Variants in WDR33 observed in about 807,000 individuals in gnomAD.
The protein encoded by WDR33 is pre-mRNA 3' end processing protein WDR33.
A neutral mutation model predicts 164.9 loss-of-function variants in WDR33; 47 were observed. That is an observed-to-expected ratio of 0.29 (90% CI 0.23 to 0.36). The LOEUF (loss-of-function observed/expected upper bound fraction) is 0.36, where lower values mean the gene tolerates loss of function less well. Among genes scored for constraint, WDR33 ranks in the 10% least tolerant of loss-of-function variants. The probability of loss-of-function intolerance (pLI) is 1.00; values close to 1 mark genes in which losing one functional copy is unlikely to be tolerated. For missense variants in WDR33, 1,137 were observed against 1,754.1 expected (o/e 0.65, Z 6.28); for synonymous variants, 505 against 589.0 (o/e 0.86, Z 2.06).
intron 1 of WDR33, among the ~76,000 whole-genome samples, chr2:127,797,946 C>T (rs889403979): frequency 3.3e-5 from 5 of 151,222 alleles, no homozygotes; most frequent in African/African-American, 7.3e-5. Context: ...CCCAGGAAGT[C>T]GAGGTTCCAG....
In WDR33 at chr2:127,709,375, C is replaced by A; in HGVS notation, c.3565+115G>T. 2 of 993,580 alleles carry A rather than the reference C, an allele frequency of 2.0e-6. No homozygotes were observed. Among genetic ancestry groups the A allele is most frequent in the Non-Finnish European group, 3.1e-6 (2 of 644,198 alleles). 61.5% of individuals were successfully genotyped at this position (993,580 alleles called of 1,614,324 possible). ...GCTGCAGGACAGGAGACAGCCCAGC[C>A]CCCCGGGAGACATGAGCTGGAAAGA... On this transcript the variant is annotated intron_variant, in intron 20 of 21. Coordinates refer to ENST00000322313, the MANE Select transcript of WDR33 (RefSeq NM_018383.5). This position sits in a 1 kb window ranked among gnomAD's most constrained non-coding sequence, Gnocchi z 5.0.
Position 127,709,438 on chromosome 2 carries a change from C to G in WDR33, c.3565+52G>C, listed in dbSNP as rs376672790. 3.0e-4 allele frequency: 471 copies of G among 1,577,956 alleles called. 3 individuals carry two copies. The highest frequency in any genetic ancestry group is 2.2e-3 in the South Asian group (195 of 90,362). On this transcript the variant is annotated intron_variant, in intron 20 of 21. Transcript: ENST00000322313. The surrounding 1 kb of genome is among the most constrained non-coding windows in gnomAD (Gnocchi z 5.0). ...CACCCCAGAGAGGGCCCTCAGAACT[C>G]ACTTTGTGAACTGCAGTCTAGAGTT... is the stretch of plus-strand genomic sequence containing the variant.
intron 1 of WDR33, 154 bp downstream of exon 1, chr2:127,810,858 G>T (rs559522673): frequency 2.0e-5 from 3 of 152,830 alleles, no homozygotes; most frequent in African/African-American, 7.2e-5. Flanking sequence ...AACCTGCCTC[G>T]AACAGCCGCC....
intron 1 of WDR33, among the ~76,000 whole-genome samples, chr2:127,792,295 C>T (rs1288859530): frequency 6.6e-6 from 1 of 151,978 alleles, no homozygotes; most frequent in Non-Finnish European, 1.5e-5. Flanking sequence ...TGAGAACTCA[C>T]CACTGCCTTA....
chr2:127,701,921 G>C lies in WDR33; in HGVS notation c.*4402C>G, dbSNP rs1303265900. Reference sequence around the variant, plus strand: ...GCGCGCTGCTGCGGGGCGGCGCGGCGTGCGGACGCCTGCTGCGCTGCGAAG... The same window carrying C: ...GCGCGCTGCTGCGGGGCGGCGCGGCCTGCGGACGCCTGCTGCGCTGCGAAG... On this transcript the variant is annotated 3_prime_UTR_variant, in exon 22 of 22. Transcript: ENST00000322313. The C allele has an allele frequency of 6.9e-7, 1 of 1,443,606 alleles. No individual in the cohort carries two copies. The highest frequency in any genetic ancestry group is 9.1e-7 in the Non-Finnish European group (1 of 1,104,786). The allele number at this position is 1,443,606 out of a possible 1,614,324, so 89.4% of individuals were successfully genotyped here.
At chr2:127,746,630 G>A (rs917366239) in intron 7 of WDR33, among the ~76,000 whole-genome samples, 7 of 152,182 alleles carry the variant, frequency 4.6e-5, no homozygotes, top group African/African-American at 1.4e-4. Flanking sequence ...GTGGCAAAGC[G>A]GGGATTCAAA....
chr2:127,721,863 T>C lies in WDR33; in HGVS notation c.1644A>G (p.Leu548=). The C allele has an allele frequency of 1.2e-6, 2 of 1,613,926 alleles. No homozygotes were observed. The highest frequency in any genetic ancestry group is 1.7e-6 in the Non-Finnish European group (2 of 1,179,974). ...CCAGAAGTTGTGGGTTAGTATATTGTAATGTAGCCATTTCTTGCTCAATTT... is the reference window on the plus strand; with the variant it reads ...CCAGAAGTTGTGGGTTAGTATATTGCAATGTAGCCATTTCTTGCTCAATTT... The part of the protein sequence containing the change: ...QAEIEQEMAT[L]QYTNPQLLEQ... The change falls in exon 15 of 22, where the codon TTA becomes TTG. Residue 548 remains leucine, a synonymous_variant. Coordinates refer to ENST00000322313, the MANE Select transcript of WDR33 (RefSeq NM_018383.5). The surrounding 1 kb of genome is among the most constrained non-coding windows in gnomAD (Gnocchi z 4.9).
At chr2:127,737,603 T>C in intron 7 of WDR33, 14 of 1,000,702 alleles carry the variant, frequency 1.4e-5, no homozygotes, top group Non-Finnish European at 1.7e-5. Flanking sequence ...ACGTTAATAA[T>C]AGATGTATTA....
rs1686008342 is a variant in WDR33 at position 127,706,321 on chromosome 2, T to A, written c.*2A>T. 1.9e-6 allele frequency: 3 copies of A among 1,551,768 alleles called. No individual in the cohort carries two copies. The highest frequency in any genetic ancestry group is 2.6e-6 in the Non-Finnish European group (3 of 1,151,398). ...AGGCCTCAGGGTACTCAGTTCCAGC[T>A]TCTACCGACCCCTTCCACCACCCCG... On this transcript the variant is annotated 3_prime_UTR_variant, in exon 22 of 22. Transcript: ENST00000322313. This position sits in a 1 kb window ranked among gnomAD's most constrained non-coding sequence, Gnocchi z 5.1.
chr2:127,706,299 C>A lies in WDR33; in HGVS notation c.*24G>T. On this transcript the variant is annotated 3_prime_UTR_variant, in exon 22 of 22. Coordinates refer to ENST00000322313, the MANE Select transcript of WDR33 (RefSeq NM_018383.5). This position sits in a 1 kb window ranked among gnomAD's most constrained non-coding sequence, Gnocchi z 5.1. ...AGTTCTTACATACTGTCCAGAGAGG[C>A]CTCAGGGTACTCAGTTCCAGCTTCT... 1 of 1,525,520 alleles carries A rather than the reference C, an allele frequency of 6.6e-7. No homozygotes were observed. The highest frequency in any genetic ancestry group is 8.8e-7 in the Non-Finnish European group (1 of 1,139,056). 94.5% of individuals were successfully genotyped at this position (1,525,520 alleles called of 1,614,324 possible). A position where few individuals can be genotyped will look rare whatever the true frequency, so the allele number is the denominator to read the frequency against.
intron 17 of WDR33, among the ~76,000 whole-genome samples, chr2:127,715,442 A>G (rs1427850515): frequency 6.6e-6 from 1 of 152,034 alleles, no homozygotes; most frequent in Non-Finnish European, 1.5e-5. Context: ...TTACCATGCA[A>G]TATATATAAA....
intron 1 of WDR33, among the ~76,000 whole-genome samples, chr2:127,799,541 TC>T (rs1689160232): frequency 6.6e-6 from 1 of 152,154 alleles, no homozygotes; most frequent in Admixed American, 6.6e-5. Flanking sequence ...ACGCCTGTAA[TC>T]CCAGCACTTT....
Position 127,706,508 on chromosome 2 carries a change from G to C in WDR33, c.3826C>G (p.Arg1276Gly). The stretch of plus-strand genomic sequence containing the variant: ...TGCTCTCCGTCTAAGGAGCTGGAAC[G>C]CCCAGATTTGGGCACTCTCTGAGCA... ...GPAQRVPKSG[R>G]SSSLDGEHHD... Residue 1276 changes from arginine (R) to glycine (G), a missense_variant, in exon 22 of 22, where the codon CGT (arginine) becomes GGT (glycine). By Grantham distance (125) the Arg-to-Gly change is moderately radical (BLOSUM62 -2). This residue lies in a region of WDR33 where 867 missense variants were observed against 1,073.0 expected (regional missense o/e 0.81). Coordinates refer to ENST00000322313, the MANE Select transcript of WDR33 (RefSeq NM_018383.5). The surrounding 1 kb of genome is among the most constrained non-coding windows in gnomAD (Gnocchi z 5.1). 6.2e-7 allele frequency: 1 copy of C among 1,613,266 alleles called. No homozygotes were observed. The highest frequency in any genetic ancestry group is 8.5e-7 in the Non-Finnish European group (1 of 1,179,596).
intron 1 of WDR33, among the ~76,000 whole-genome samples, chr2:127,788,515 T>A (rs1354726333): frequency 6.6e-5 from 4 of 60,318 alleles, no homozygotes; most frequent in African/African-American, 1.7e-4. Flanking sequence ...GCTGGCCGGG[T>A]GGGGGGGCTG....
chr2:127,765,051 A>T (rs1188452271), intron 5 of WDR33, 72 bp from the exon 6 acceptor site: 12 of 1,573,504 alleles, frequency 7.6e-6, no homozygotes, highest in Non-Finnish European at 1.0e-5. Flanking sequence ...TTACAAGAGC[A>T]TATAACTGAC....
rs904435635 is a variant in WDR33, at chr2:127,735,706, T to C, written c.725-8929A>G. On this transcript the variant is annotated intron_variant, in intron 7 of 21. Coordinates refer to ENST00000322313, the MANE Select transcript of WDR33 (RefSeq NM_018383.5). This position sits in a 1 kb window ranked among gnomAD's most constrained non-coding sequence, Gnocchi z 4.3. ...AGGGTATATGAGTACCCATGGCCCA[T>C]AGCCAGATACTCCAGTTGGACAGAG... 8 of 985,550 alleles carry C rather than the reference T, an allele frequency of 8.1e-6. No homozygotes were observed. In the Admixed American group the frequency reaches 1.8e-4, roughly 23 times the overall value. 61.1% of individuals were successfully genotyped at this position (985,550 alleles called of 1,614,324 possible). A position where few individuals can be genotyped will look rare whatever the true frequency, so the allele number is the denominator to read the frequency against.
intron 1 of WDR33, among the ~76,000 whole-genome samples, chr2:127,776,812 A>G (rs1276185280): frequency 4.6e-5 from 7 of 152,260 alleles, no homozygotes; most frequent in Non-Finnish European, 1.0e-4. Flanking sequence ...CAATCCTCAA[A>G]CAAGTCATTA....
rs79698604 is a variant in WDR33, at chr2:127,783,380, G to T, written c.-23-12376C>A. ...GTGTGATACTAGGATAGAGAAACCA[G>T]CACTTTTTTGTCAAGTTTTCAGTGG... On this transcript the variant is annotated intron_variant, in intron 1 of 21. Coordinates refer to ENST00000322313, the MANE Select transcript of WDR33 (RefSeq NM_018383.5). Among the ~76,000 whole-genome samples, 1,435 of 152,212 alleles carry T rather than the reference G, an allele frequency of 9.4e-3. 18 individuals are homozygous for T. The highest frequency in any genetic ancestry group is 0.033 in the African/African-American group (1,378 of 41,530).
At position 127,726,789 on chromosome 2, in the gene WDR33, A is replaced by G; in HGVS notation, c.725-12T>C. On this transcript the variant is annotated splice_polypyrimidine_tract_variant and intron_variant, in intron 7 of 21. Coordinates refer to ENST00000322313, the MANE Select transcript of WDR33 (RefSeq NM_018383.5). The surrounding 1 kb of genome is among the most constrained non-coding windows in gnomAD (Gnocchi z 4.8). ...ATCAGCACCATGCCCTGTCGGAAAC[A>G]AGTTAGGATTAAAACCTAATTAGTT... 12 of 1,613,634 alleles carry G rather than the reference A, an allele frequency of 7.4e-6. No individual in the cohort carries two copies. The highest frequency in any genetic ancestry group is 9.3e-6 in the Non-Finnish European group (11 of 1,179,872).
Sources: allele counts gnomAD v4.1 joint callset (sites outside exome capture counted in the v4.1 genomes callset), GRCh38; gene constraint gnomAD v4.1.1; regional missense constraint gnomAD v4.1.1; non-coding constraint Gnocchi (gnomAD v3.1); transcripts MANE v1.5; gene names NCBI Gene and HGNC (gene_info 2026-07-23, HGNC 2026-07-21).